The following FBXL17 variants were observed in gnomAD, a reference collection of about 807,000 sequenced individuals.
The protein encoded by FBXL17 is F-box and leucine rich repeat protein 17.
A neutral mutation model predicts 66.2 loss-of-function variants in FBXL17; 22 were observed. The ratio of observed to expected loss-of-function variants is 0.33; its 90% CI spans 0.24 to 0.47. FBXL17 has a LOEUF of 0.47. Ranked by LOEUF, FBXL17 falls within the 20% of genes least tolerant of loss-of-function variation. The pLI is 1.00. For synonymous variants in FBXL17, 474 were observed against 400.5 expected (o/e 1.18, Z -2.19); for missense variants, 878 against 948.2 (o/e 0.93, Z 0.97).
intron 6 of FBXL17, among the ~76,000 whole-genome samples, chr5:108,065,173 G>C (rs1034935064): frequency 6.6e-6 from 1 of 151,762 alleles, no homozygotes; most frequent in African/African-American, 2.4e-5. Flanking sequence ...TATGTATATG[G>C]GTATGATATG....
intron 7 of FBXL17, among the ~76,000 whole-genome samples, chr5:107,985,976 T>C (rs1219776816): frequency 6.6e-6 from 1 of 152,084 alleles, no homozygotes. Flanking sequence ...TTGTCAATGT[T>C]TGAAAAATTA....
At chr5:107,946,238 C>T (rs1751272543) in intron 7 of FBXL17, among the ~76,000 whole-genome samples, 1 of 105,864 alleles carries the variant, frequency 9.4e-6, no homozygotes, top group African/African-American at 3.8e-5. Flanking sequence ...AGTATTATTA[C>T]TTTTATCAAT....
chr5:108,232,837 T>C (rs1755426129), intron 4 of FBXL17, among the ~76,000 whole-genome samples: 1 of 137,004 alleles, frequency 7.3e-6, no homozygotes, highest in African/African-American at 2.7e-5. Context: ...CCTCTAGGGA[T>C]CCCTGACTAA....
In FBXL17 at chr5:107,884,619, G is replaced by A. The variant is rs774630196; in HGVS notation, c.1823-3440C>T. 3.0e-4 allele frequency among the ~76,000 whole-genome samples: 45 copies of A among 152,332 alleles called. No homozygotes were observed. In the South Asian group the frequency reaches 3.9e-3, roughly 13 times the overall value. On this transcript the variant is annotated intron_variant, in intron 7 of 8. Transcript: ENST00000542267. ...TTTGACTATATCATGTCCTTGGACA[G>A]TTTTTCATTGTTGTTTCACAAGCTA... is the stretch of plus-strand genomic sequence containing the variant.
intron 6 of FBXL17, among the ~76,000 whole-genome samples, chr5:108,129,866 G>A (rs534620152): frequency 6.6e-6 from 1 of 151,830 alleles, no homozygotes; most frequent in East Asian, 1.9e-4. Flanking sequence ...GGTTTTTCAA[G>A]AGGCTGCTGC....
chr5:108,343,768 A>G (rs1377509029), intron 4 of FBXL17, among the ~76,000 whole-genome samples: 1 of 151,744 alleles, frequency 6.6e-6, no homozygotes, highest in Non-Finnish European at 1.5e-5. Flanking sequence ...CAGCAAAGAG[A>G]AAAAAAAATT....
At chr5:107,940,980 A>G (rs531406272) in intron 7 of FBXL17, among the ~76,000 whole-genome samples, 1 of 152,284 alleles carries the variant, frequency 6.6e-6, no homozygotes, top group Admixed American at 6.5e-5. Flanking sequence ...GGCTTCTAAT[A>G]TCTAATTTAT....
chr5:107,991,556 G>T (rs886290985), intron 7 of FBXL17, among the ~76,000 whole-genome samples: 1 of 152,136 alleles, frequency 6.6e-6, no homozygotes, highest in Non-Finnish European at 1.5e-5. Context: ...AGCCTATATT[G>T]GTTTTGGAGT....
chr5:108,373,547 T>A (rs7714688), intron 1 of FBXL17, among the ~76,000 whole-genome samples: 1 of 151,538 alleles, frequency 6.6e-6, no homozygotes, highest in Non-Finnish European at 1.5e-5. Context: ...AGAAAACAAA[T>A]AATAAAATAG....
At chr5:108,033,973 T>G (rs1746742393) in intron 6 of FBXL17, among the ~76,000 whole-genome samples, 1 of 152,174 alleles carries the variant, frequency 6.6e-6, no homozygotes, top group Non-Finnish European at 1.5e-5. Context: ...GTACAAGACA[T>G]AAAAATATAT....
At chr5:108,197,671 T>C (rs1753732820) in intron 5 of FBXL17, among the ~76,000 whole-genome samples, 1 of 152,220 alleles carries the variant, frequency 6.6e-6, no homozygotes, top group Non-Finnish European at 1.5e-5. Flanking sequence ...ATTTCACTCA[T>C]TATTTCTAAA....
chr5:107,963,630 A>C (rs1752005225), intron 7 of FBXL17, among the ~76,000 whole-genome samples: 1 of 152,112 alleles, frequency 6.6e-6, no homozygotes, highest in Non-Finnish European at 1.5e-5. Context: ...GGGTTATTGT[A>C]AGAGTTAGTG....
intron 6 of FBXL17, among the ~76,000 whole-genome samples, chr5:108,146,159 G>C (rs896491366): frequency 1.3e-5 from 2 of 151,882 alleles, no homozygotes; most frequent in Non-Finnish European, 1.5e-5. Flanking sequence ...GTGAATCCGA[G>C]AGGCAGAGCT....
rs75638726 is a variant in FBXL17, at chr5:108,357,898, T to G, written c.1374+6840A>C. On this transcript the variant is annotated intron_variant, in intron 3 of 8. Coordinates refer to ENST00000542267, the MANE Select transcript of FBXL17 (RefSeq NM_001163315.3). ...GAAAATAAAAATAAAACATCAAAAT[T>G]TATGAGATCCAGCAAAAGCAGTGTT... 1.3e-3 allele frequency among the ~76,000 whole-genome samples: 196 copies of G among 151,694 alleles called. 10 individuals carry two copies. In the East Asian group the frequency reaches 0.032, roughly 24 times the overall value.
At chr5:108,114,507 GT>G (rs965464872) in intron 6 of FBXL17, among the ~76,000 whole-genome samples, 3 of 152,170 alleles carry the variant, frequency 2.0e-5, no homozygotes, top group Non-Finnish European at 2.9e-5. Flanking sequence ...AAATAAAGTT[GT>G]TGTGTGTTCA....
At chr5:107,948,844 T>C (rs1409799375) in intron 7 of FBXL17, among the ~76,000 whole-genome samples, 1 of 152,216 alleles carries the variant, frequency 6.6e-6, no homozygotes, top group Non-Finnish European at 1.5e-5. Context: ...TAGCTCTTGG[T>C]ACATAGCAAG....
At chr5:108,227,819 C>T (rs1464776584) in intron 4 of FBXL17, among the ~76,000 whole-genome samples, 1 of 152,116 alleles carries the variant, frequency 6.6e-6, no homozygotes, top group Non-Finnish European at 1.5e-5. Flanking sequence ...ATTCTAAAGG[C>T]ATTATGTTAA....
At chr5:108,035,408 C>T (rs1317627329) in intron 6 of FBXL17, among the ~76,000 whole-genome samples, 5 of 151,776 alleles carry the variant, frequency 3.3e-5, no homozygotes, top group Non-Finnish European at 4.4e-5. Flanking sequence ...CTTTTGTTGC[C>T]CAGGCTGGAG....
intron 4 of FBXL17, among the ~76,000 whole-genome samples, chr5:108,263,017 A>C (rs1756901692): frequency 6.6e-6 from 1 of 152,226 alleles, no homozygotes; most frequent in South Asian, 2.1e-4. Context: ...AATTAATTCA[A>C]ATAAATTTTC....
Sources: allele counts gnomAD v4.1 joint callset (sites outside exome capture counted in the v4.1 genomes callset), GRCh38; gene constraint gnomAD v4.1.1; transcripts MANE v1.5; gene names NCBI Gene and HGNC (gene_info 2026-07-23, HGNC 2026-07-21).